The following KCNIP4 variants were observed in gnomAD, a reference collection of about 807,000 sequenced individuals.
KCNIP4 encodes Kv channel-interacting protein 4.
In KCNIP4, 12 loss-of-function variants were observed where a neutral mutation model predicts 34.0. The observed-to-expected ratio is 0.35, with a 90% CI of 0.23 to 0.57. KCNIP4 has a LOEUF of 0.57. Among genes scored for constraint, KCNIP4 ranks in the 20% least tolerant of loss-of-function variants. KCNIP4 has a pLI of 0.83. For synonymous variants in KCNIP4, 124 were observed against 102.2 expected (o/e 1.21, Z -1.29); for missense variants, 238 against 311.7 (o/e 0.76, Z 1.78).
intron 1 of KCNIP4, among the ~76,000 whole-genome samples, chr4:21,337,438 GC>G (rs2109338573): frequency 6.6e-6 from 1 of 152,092 alleles, no homozygotes; most frequent in East Asian, 1.9e-4. Flanking sequence ...ATGGAAAGAA[GC>G]ATTGCAGAAA....
chr4:21,356,280 T>C (rs565431826), intron 1 of KCNIP4, among the ~76,000 whole-genome samples: 2 of 152,164 alleles, frequency 1.3e-5, no homozygotes, highest in Non-Finnish European at 2.9e-5. Context: ...ATGCCCTCTC[T>C]CACCATTCCT....
At chr4:21,908,314 T>C (rs1417372665) in intron 1 of KCNIP4, among the ~76,000 whole-genome samples, 5 of 151,602 alleles carry the variant, frequency 3.3e-5, no homozygotes, top group African/African-American at 1.2e-4. Flanking sequence ...GAGGCAACAT[T>C]CTTGCCACTG....
intron 1 of KCNIP4, among the ~76,000 whole-genome samples, chr4:21,063,276 T>C (rs1744081440): frequency 6.6e-6 from 1 of 152,140 alleles, no homozygotes; most frequent in African/African-American, 2.4e-5. Flanking sequence ...TTGTGCAACT[T>C]TGTTATGGCT....
intron 1 of KCNIP4, among the ~76,000 whole-genome samples, chr4:21,182,644 G>T (rs1331627822): frequency 2.0e-5 from 3 of 151,828 alleles, no homozygotes; most frequent in African/African-American, 7.3e-5. Context: ...ATCCTTCCAA[G>T]TCTCCAATGT....
At chr4:21,456,316 G>A (rs1034731140) in intron 1 of KCNIP4, among the ~76,000 whole-genome samples, 2 of 147,324 alleles carry the variant, frequency 1.4e-5, no homozygotes, top group Non-Finnish European at 3.0e-5. Context: ...CAAGATTTGC[G>A]TACATATCCT....
chr4:21,456,440 C>G (rs1348775233), intron 1 of KCNIP4, among the ~76,000 whole-genome samples: 1 of 147,832 alleles, frequency 6.8e-6, no homozygotes, highest in Non-Finnish European at 1.5e-5. Flanking sequence ...CACTTTGGTC[C>G]AATTTTTATC....
chr4:20,779,592 C>A lies in KCNIP4; in HGVS notation c.289-20702G>T, dbSNP rs1371202691. ...TGCCCCACAACCCCCCCCCCCCACACAAAAAAGAAATGAAAACAAAAAAAA... is the reference window on the plus strand; with the variant it reads ...TGCCCCACAACCCCCCCCCCCCACAAAAAAAAGAAATGAAAACAAAAAAAA... On this transcript the variant is annotated intron_variant, in intron 3 of 8. Coordinates refer to ENST00000382152, the MANE Select transcript of KCNIP4 (RefSeq NM_025221.6). 2.4e-3 allele frequency among the ~76,000 whole-genome samples: 259 copies of A among 107,832 alleles called. 3 individuals carry two copies. Among genetic ancestry groups the A allele is most frequent in the African/African-American group, 0.01 (251 of 24,682 alleles). 70.7% of individuals were successfully genotyped at this position (107,832 alleles called of 152,430 possible).
At chr4:21,574,121 G>A (rs528414277) in intron 1 of KCNIP4, among the ~76,000 whole-genome samples, 3 of 152,064 alleles carry the variant, frequency 2.0e-5, no homozygotes, top group African/African-American at 7.2e-5. Context: ...TTGAGTCATG[G>A]TTTATGGGCA....
At chr4:21,197,419 C>A (rs950124572) in intron 1 of KCNIP4, among the ~76,000 whole-genome samples, 1 of 152,082 alleles carries the variant, frequency 6.6e-6, no homozygotes, top group Non-Finnish European at 1.5e-5. Flanking sequence ...CAATACAGCA[C>A]GTTGGATTGC....
At chr4:21,121,560 C>T (rs1750158763) in intron 1 of KCNIP4, among the ~76,000 whole-genome samples, 1 of 152,208 alleles carries the variant, frequency 6.6e-6, no homozygotes, top group Admixed American at 6.5e-5. Context: ...ATGAAGTCAG[C>T]AAAGACAGAG....
At chr4:21,638,671 T>C (rs1577734657) in intron 1 of KCNIP4, among the ~76,000 whole-genome samples, 3 of 152,096 alleles carry the variant, frequency 2.0e-5, no homozygotes, top group East Asian at 3.9e-4. Context: ...CTAGTTGTAT[T>C]TGAGGTTTTG....
At chr4:21,002,497 C>T (rs1738222356) in intron 1 of KCNIP4, among the ~76,000 whole-genome samples, 1 of 152,174 alleles carries the variant, frequency 6.6e-6, no homozygotes, top group African/African-American at 2.4e-5. Flanking sequence ...CATATGGCCT[C>T]ATCTTTCTTT....
chr4:21,014,474 T>C (rs1439571925), intron 1 of KCNIP4, among the ~76,000 whole-genome samples: 2 of 152,196 alleles, frequency 1.3e-5, no homozygotes, highest in African/African-American at 4.8e-5. Context: ...AAAGCAATAA[T>C]AATAACTGAT....
intron 1 of KCNIP4, among the ~76,000 whole-genome samples, chr4:21,355,750 T>C (rs1718519541): frequency 6.6e-6 from 1 of 152,172 alleles, no homozygotes; most frequent in Non-Finnish European, 1.5e-5. Flanking sequence ...CCATTCTTTC[T>C]GAAACTATTC....
At chr4:21,823,115 T>A (rs1207373551) in intron 1 of KCNIP4, among the ~76,000 whole-genome samples, 1 of 152,254 alleles carries the variant, frequency 6.6e-6, no homozygotes, top group Non-Finnish European at 1.5e-5. Context: ...TCTCTTAAAA[T>A]AAAAATATCT....
At chr4:20,749,785 A>G (rs1167240424) in intron 4 of KCNIP4, 53 bp from the exon 5 acceptor site, 7 of 1,250,278 alleles carry the variant, frequency 5.6e-6, no homozygotes, top group Non-Finnish European at 8.1e-6. Context: ...TATCCTACAT[A>G]AGACTTGGAT....
chr4:21,865,917 ATATG>A (rs763967312), intron 1 of KCNIP4, among the ~76,000 whole-genome samples: 1 of 129,946 alleles, frequency 7.7e-6, no homozygotes, highest in African/African-American at 2.5e-5. Context: ...ATATATATAT[ATATG>A]GTGTCTCATA....
chr4:21,578,332 C>CAAAA (rs71191522), intron 1 of KCNIP4, among the ~76,000 whole-genome samples: 4,296 of 75,086 alleles, frequency 0.057, 667 homozygotes, highest in Non-Finnish European at 0.07. Flanking sequence ...GACTCCGTCT[C>CAAAA]AAAAAAAAAA....
chr4:21,043,515 T>C (rs1742143905), intron 1 of KCNIP4, among the ~76,000 whole-genome samples: 1 of 151,780 alleles, frequency 6.6e-6, no homozygotes, highest in Non-Finnish European at 1.5e-5. Flanking sequence ...TTTTTTGTAT[T>C]TTTAGTAAAG....
Sources: allele counts gnomAD v4.1 joint callset (sites outside exome capture counted in the v4.1 genomes callset), GRCh38; gene constraint gnomAD v4.1.1; transcripts MANE v1.5; gene names NCBI Gene and HGNC (gene_info 2026-07-23, HGNC 2026-07-21).